SYNPR: variants seen among roughly 807,000 people sequenced by gnomAD.
SYNPR encodes the protein synaptoporin.
A neutral mutation model predicts 32.9 loss-of-function variants in SYNPR; 23 were observed. That is an observed-to-expected ratio of 0.70 (90% CI 0.50 to 0.99). SYNPR has a LOEUF of 0.99. Among genes scored for constraint, SYNPR ranks in the 50% least tolerant of loss-of-function variants. SYNPR has a pLI of 0.00. For missense variants in SYNPR, 318 were observed against 349.3 expected (o/e 0.91, Z 0.71); for synonymous variants, 146 against 135.9 (o/e 1.07, Z -0.52).
intron 2 of SYNPR, among the ~76,000 whole-genome samples, chr3:63,390,700 AT>A (rs907339251): frequency 6.6e-6 from 1 of 152,002 alleles, no homozygotes; most frequent in Non-Finnish European, 1.5e-5. Context: ...CTAACCGATT[AT>A]TTTTTTTAAC....
rs1575671791 is a variant in SYNPR at position 63,490,057 on chromosome 3, T to C, written c.209+9101T>C. 2.0e-5 allele frequency among the ~76,000 whole-genome samples: 3 copies of C among 152,144 alleles called. No homozygotes were observed. In the East Asian group the frequency reaches 5.8e-4, roughly 29 times the overall value. On this transcript the variant is annotated intron_variant, in intron 3 of 5. Transcript: ENST00000478300. Reference sequence around the variant, plus strand: ...AAGGTTAAGGGATAAAGAGAGAAGCTGTACTATTTTAGATCAGCTGGTTGG... The same window carrying C: ...AAGGTTAAGGGATAAAGAGAGAAGCCGTACTATTTTAGATCAGCTGGTTGG...
chr3:63,601,025 C>G (rs891791406), intron 4 of SYNPR, among the ~76,000 whole-genome samples: 2 of 152,190 alleles, frequency 1.3e-5, no homozygotes, highest in African/African-American at 4.8e-5. Context: ...ATAATCCCAG[C>G]ACTTTGGGAG....
intron 2 of SYNPR, among the ~76,000 whole-genome samples, chr3:63,412,864 A>T (rs1025703969): frequency 1.3e-5 from 2 of 152,292 alleles, no homozygotes; most frequent in Non-Finnish European, 2.9e-5. Flanking sequence ...GGATAATAGG[A>T]TCAGATTTGT....
intron 4 of SYNPR, among the ~76,000 whole-genome samples, chr3:63,573,689 T>C (rs1702930503): frequency 6.6e-6 from 1 of 152,108 alleles, no homozygotes; most frequent in Non-Finnish European, 1.5e-5. Flanking sequence ...AGAAACACCA[T>C]CATGTAGTTC....
At chr3:63,269,807 C>T (rs1474961445) in intron 3 of SYNPR, among the ~76,000 whole-genome samples, 2 of 152,162 alleles carry the variant, frequency 1.3e-5, no homozygotes, top group African/African-American at 4.8e-5. Context: ...AGACACTGAG[C>T]TTAGCAACTA....
intron 2 of SYNPR, among the ~76,000 whole-genome samples, chr3:63,296,039 C>T (rs1453937127): frequency 6.6e-6 from 1 of 152,172 alleles, no homozygotes; most frequent in African/African-American, 2.4e-5. Context: ...CAAACCAGGC[C>T]TGTTGGGAGC....
chr3:63,265,237 CATT>C (rs2086474530), intron 2 of SYNPR, among the ~76,000 whole-genome samples: 1 of 98,944 alleles, frequency 1.0e-5, no homozygotes, highest in Admixed American at 1.1e-4. Flanking sequence ...TTTCTAATGA[CATT>C]CTTTTTTTTT....
At chr3:63,377,627 G>T (rs1560210088) in intron 2 of SYNPR, among the ~76,000 whole-genome samples, 2 of 151,266 alleles carry the variant, frequency 1.3e-5, no homozygotes, top group African/African-American at 4.9e-5. Context: ...ATACATCTTA[G>T]TTTTTTTTTA....
At chr3:63,284,211 C>T (rs1175757022) in intron 2 of SYNPR, among the ~76,000 whole-genome samples, 1 of 152,068 alleles carries the variant, frequency 6.6e-6, no homozygotes, top group Non-Finnish European at 1.5e-5. Flanking sequence ...TCTTTCTTTA[C>T]TATATGCAAT....
chr3:63,414,917 T>A (rs1015804637), intron 2 of SYNPR, among the ~76,000 whole-genome samples: 3 of 152,194 alleles, frequency 2.0e-5, no homozygotes, highest in African/African-American at 7.2e-5. Flanking sequence ...TTTCGTTTTA[T>A]CTCTAAAAGT....
chr3:63,378,190 G>C (rs540427494), intron 2 of SYNPR, among the ~76,000 whole-genome samples: 19 of 151,836 alleles, frequency 1.3e-4, no homozygotes, highest in African/African-American at 4.3e-4. Flanking sequence ...TGAGTGTCCA[G>C]AGTTATAGCA....
At chr3:63,575,589 G>A (rs1200642024) in intron 4 of SYNPR, among the ~76,000 whole-genome samples, 1 of 152,164 alleles carries the variant, frequency 6.6e-6, no homozygotes, top group African/African-American at 2.4e-5. Context: ...AAGCTTTATA[G>A]AGAAAATAAT....
chr3:63,364,800 G>A (rs2087710950), intron 2 of SYNPR, among the ~76,000 whole-genome samples: 1 of 152,134 alleles, frequency 6.6e-6, no homozygotes, highest in South Asian at 2.1e-4. Flanking sequence ...TGGAGATTAT[G>A]ATTCAGTAGG....
At chr3:63,539,681 C>A (rs1459489476) in intron 3 of SYNPR, among the ~76,000 whole-genome samples, 1 of 151,986 alleles carries the variant, frequency 6.6e-6, no homozygotes, top group African/African-American at 2.4e-5. Flanking sequence ...GCACAAGGAG[C>A]CTTTATAGGA....
At chr3:63,368,968 C>T (rs371270738) in intron 2 of SYNPR, among the ~76,000 whole-genome samples, 9 of 152,188 alleles carry the variant, frequency 5.9e-5, no homozygotes, top group African/African-American at 2.2e-4. Context: ...ATCCTCTGTA[C>T]TCATGGTCTG....
At chr3:63,581,143 G>A (rs961725640) in intron 4 of SYNPR, among the ~76,000 whole-genome samples, 1 of 152,154 alleles carries the variant, frequency 6.6e-6, no homozygotes, top group African/African-American at 2.4e-5. Context: ...CCTCAGGGGT[G>A]TTTTCCACCA....
chr3:63,276,656 A>C (rs1035194112), upstream of SYNPR, among the ~76,000 whole-genome samples: 1 of 110,194 alleles, frequency 9.1e-6, no homozygotes, highest in Admixed American at 1.3e-4. Context: ...ATAATGGCTT[A>C]TTTTTGAAAC....
At chr3:63,519,889 T>G (rs576905016) in intron 3 of SYNPR, among the ~76,000 whole-genome samples, 2 of 152,010 alleles carry the variant, frequency 1.3e-5, no homozygotes, top group Admixed American at 1.3e-4. Flanking sequence ...AAAGTATAAA[T>G]TATCATAATT....
rs565752693 is a variant in SYNPR at position 63,419,542 on chromosome 3, T to A, written c.85-61290T>A. On this transcript the variant is annotated intron_variant, in intron 2 of 5. Transcript: ENST00000478300. ...TTGTCCCACAAAATATAAAGTTTTTTATTTTTTTTCTAATTTACTAATATT... is the reference window on the plus strand; with the variant it reads ...TTGTCCCACAAAATATAAAGTTTTTAATTTTTTTTCTAATTTACTAATATT... Among the ~76,000 whole-genome samples, 345 of 152,314 alleles carry A rather than the reference T, an allele frequency of 2.3e-3. 3 individuals carry two copies. The highest frequency in any genetic ancestry group is 7.7e-3 in the African/African-American group (322 of 41,566).
Sources: gnomAD v4.1 joint callset for allele counts (sites outside exome capture counted in the v4.1 genomes callset) on GRCh38, gnomAD v4.1.1 for gene constraint, MANE v1.5 for transcripts, NCBI Gene and HGNC (gene_info 2026-07-23, HGNC 2026-07-21) for gene names.